The following JMY variants were observed in gnomAD, a reference collection of about 807,000 sequenced individuals.
The protein encoded by JMY is junction mediating and regulatory protein, p53 cofactor.
JMY carries 46 observed loss-of-function variants against 103.3 expected under a neutral mutation model. The ratio of observed to expected loss-of-function variants is 0.45; its 90% CI spans 0.35 to 0.57. The LOEUF (loss-of-function observed/expected upper bound fraction) is 0.57, where lower values mean the gene tolerates loss of function less well. Among genes scored for constraint, JMY ranks in the 20% least tolerant of loss-of-function variants. JMY has a pLI of 0.00. For synonymous variants in JMY, 526 were observed against 489.3 expected (o/e 1.07, Z -0.99); for missense variants, 1,238 against 1,255.2 (o/e 0.99, Z 0.21).
intron 10 of JMY, among the ~76,000 whole-genome samples, chr5:79,319,922 CT>C (rs1265053482): frequency 6.6e-6 from 1 of 152,130 alleles, no homozygotes; most frequent in East Asian, 1.9e-4. Context: ...TACTTATATA[CT>C]TTTAAGAGCT....
chr5:79,237,390 C>T lies in JMY; in HGVS notation c.740C>T (p.Ser247Leu). The change falls in exon 1 of 11, where the codon TCG becomes TTG. Residue 247 changes from serine to leucine, a missense_variant. Ser to Leu is a moderately radical substitution (Grantham distance 145, BLOSUM62 -2). Transcript: ENST00000396137. ...DLRAVHQQLC[S>L]VNSQLEPCLP... is the part of the protein sequence containing the mutation. Reference sequence around the variant, plus strand: ...CGCGCCGTGCACCAGCAGCTGTGCTCGGTGAACTCGCAGTTGGAGCCGTGC... The same window carrying T: ...CGCGCCGTGCACCAGCAGCTGTGCTTGGTGAACTCGCAGTTGGAGCCGTGC... 1.2e-6 allele frequency: 2 copies of T among 1,613,424 alleles called. No individual in the cohort carries two copies. Among genetic ancestry groups the T allele is most frequent in the Non-Finnish European group, 1.7e-6 (2 of 1,179,962 alleles).
Position 79,237,097 on chromosome 5 carries a change from C to T in JMY, c.447C>T (p.Ile149=), listed in dbSNP as rs779358758. ...GGAGCCCAGTGCGGGCCAAACCCATCCCGGGTCAGAAAACATCTGAAGCCG... is the reference window on the plus strand; with the variant it reads ...GGAGCCCAGTGCGGGCCAAACCCATTCCGGGTCAGAAAACATCTGAAGCCG... ...RLRSPVRAKP[I]PGQKTSEADD... Residue 149 remains isoleucine, a synonymous_variant, in exon 1 of 11, where the codon ATC becomes ATT. Coordinates refer to ENST00000396137, the MANE Select transcript of JMY (RefSeq NM_152405.5). 1 of 1,548,074 alleles carries T rather than the reference C, an allele frequency of 6.5e-7. No individual in the cohort carries two copies. Among genetic ancestry groups the T allele is most frequent in the Admixed American group, 2.0e-5 (1 of 50,908 alleles).
chr5:79,264,535 G>T (rs554648953), intron 1 of JMY, among the ~76,000 whole-genome samples: 37 of 152,012 alleles, frequency 2.4e-4, no homozygotes, highest in Non-Finnish European at 2.8e-4. Context: ...GAGCCACTGC[G>T]CCTGGCATAA....
intron 4 of JMY, among the ~76,000 whole-genome samples, chr5:79,298,566 C>G (rs1388449273): frequency 6.6e-6 from 1 of 152,168 alleles, no homozygotes; most frequent in Admixed American, 6.5e-5. Context: ...ATAATTAAAC[C>G]CACTTTGGGG....
At chr5:79,310,057 C>CTTTTTTTTTTTTTTTTTTTTTTT in intron 7 of JMY, among the ~76,000 whole-genome samples, 1 of 73,666 alleles carries the variant, frequency 1.4e-5, no homozygotes, top group Non-Finnish European at 2.3e-5. Context: ...CTTTCTTTTC[C>CTTTTTTTTTTTTTTTTTTTTTTT]TTTTTTTTTT....
chr5:79,314,305 C>T lies in JMY; in HGVS notation c.2113C>T (p.His705Tyr). 1.2e-6 allele frequency: 2 copies of T among 1,614,098 alleles called. No individual in the cohort carries two copies. Among genetic ancestry groups the T allele is most frequent in the Non-Finnish European group, 1.7e-6 (2 of 1,179,994 alleles). ...ILKSTRLRLAHARRKGAASPV... is the reference protein window; with the variant it reads ...ILKSTRLRLAYARRKGAASPV... ...TAAATCAACCAGATTACGACTAGCT[C>T]ATGCAAGAAGAAAAGGTGCAGCAAG... The change falls in exon 9 of 11, where the codon CAT becomes TAT. Residue 705 changes from histidine to tyrosine, a missense_variant. By Grantham distance (83) the His-to-Tyr change is moderately conservative. Transcript: ENST00000396137.
At chr5:79,287,019 G>T (rs533345530) in intron 2 of JMY, among the ~76,000 whole-genome samples, 2 of 152,244 alleles carry the variant, frequency 1.3e-5, no homozygotes, top group Admixed American at 1.3e-4. Flanking sequence ...CCGTGGAGCT[G>T]ACCTGAAAAA....
chr5:79,287,090 A>T (rs1345936464), intron 2 of JMY, among the ~76,000 whole-genome samples: 2 of 152,012 alleles, frequency 1.3e-5, no homozygotes, highest in Non-Finnish European at 2.9e-5. Context: ...TTCAGTACTG[A>T]GGGGTTGGTT....
rs1452183828 is a variant in JMY, at chr5:79,236,752, C to T, written c.102C>T (p.Ala34=). 3.3e-6 allele frequency: 5 copies of T among 1,510,940 alleles called. No homozygotes were observed. Among genetic ancestry groups the T allele is most frequent in the South Asian group, 2.5e-5 (2 of 79,666 alleles). The allele number at this position is 1,510,940 out of a possible 1,614,324, so 93.6% of individuals were successfully genotyped here. A position where few individuals can be genotyped will look rare whatever the true frequency, so the allele number is the denominator to read the frequency against. The change falls in exon 1 of 11, where the codon GCC becomes GCT. Residue 34 remains alanine, a synonymous_variant. Transcript: ENST00000396137. ...REKHKFVFIV[A]WNEIEGKFAI... is the part of the protein sequence containing the mutation. ...AACACAAATTCGTCTTTATTGTGGCCTGGAACGAGATTGAGGGCAAGTTTG... is the reference window on the plus strand; with the variant it reads ...AACACAAATTCGTCTTTATTGTGGCTTGGAACGAGATTGAGGGCAAGTTTG...
chr5:79,258,361 G>A lies in JMY; in HGVS notation c.1033-19549G>A, dbSNP rs527387544. Among the ~76,000 whole-genome samples the A allele has an allele frequency of 1.5e-4, 22 of 143,074 alleles. No homozygotes were observed. In the South Asian group the frequency reaches 2.4e-3, roughly 16 times the overall value. 93.9% of individuals were successfully genotyped at this position (143,074 alleles called of 152,430 possible). On this transcript the variant is annotated intron_variant, in intron 1 of 10. Coordinates refer to ENST00000396137, the MANE Select transcript of JMY (RefSeq NM_152405.5). Reference sequence around the variant, plus strand: ...GGTCTCCCTCTGGCTGGAGTACAGTGGTGTTACGGGATCCTTGGGGTGTCG... The same window carrying A: ...GGTCTCCCTCTGGCTGGAGTACAGTAGTGTTACGGGATCCTTGGGGTGTCG...
At chr5:79,315,088 G>A (rs763148380) in intron 9 of JMY, among the ~76,000 whole-genome samples, 8 of 152,144 alleles carry the variant, frequency 5.3e-5, no homozygotes, top group Non-Finnish European at 1.0e-4. Context: ...ATACATTCAT[G>A]TTTGGTAATG....
chr5:79,270,478 C>T (rs1210746299), intron 1 of JMY, among the ~76,000 whole-genome samples: 4 of 91,038 alleles, frequency 4.4e-5, no homozygotes, highest in Non-Finnish European at 6.5e-5. Context: ...TGTATATTTA[C>T]ATAAATATTT....
intron 2 of JMY, among the ~76,000 whole-genome samples, chr5:79,285,159 C>G (rs1295012385): frequency 6.6e-6 from 1 of 152,108 alleles, no homozygotes; most frequent in East Asian, 1.9e-4. Context: ...TCTGTTGTAG[C>G]CAGTCACCTC....
intron 6 of JMY, among the ~76,000 whole-genome samples, chr5:79,305,109 C>CAGTTTACTG (rs1462634748): frequency 6.6e-6 from 1 of 152,136 alleles, no homozygotes; most frequent in Non-Finnish European, 1.5e-5. Context: ...TTTAAAATAA[C>CAGTTTACTG]AGTTTACTGA....
chr5:79,246,270 A>G (rs563949517), intron 1 of JMY, among the ~76,000 whole-genome samples: 1 of 152,262 alleles, frequency 6.6e-6, no homozygotes, highest in South Asian at 2.1e-4. Flanking sequence ...TTGCCGTCCT[A>G]TCTAGATGAG....
rs946122685 is a variant in JMY at position 79,256,367 on chromosome 5, C to T, written c.1032+18685C>T. Reference sequence around the variant, plus strand: ...ATAGTCCAGGGCAGGTTCAGAAATGCCATCCAAGAGTCAAGTCCTGGAATC... The same window carrying T: ...ATAGTCCAGGGCAGGTTCAGAAATGTCATCCAAGAGTCAAGTCCTGGAATC... On this transcript the variant is annotated intron_variant, in intron 1 of 10. Coordinates refer to ENST00000396137, the MANE Select transcript of JMY (RefSeq NM_152405.5). Among the ~76,000 whole-genome samples, 3 of 152,038 alleles carry T rather than the reference C, an allele frequency of 2.0e-5. No individual in the cohort carries two copies. In the South Asian group the frequency reaches 6.2e-4, roughly 32 times the overall value.
intron 6 of JMY, among the ~76,000 whole-genome samples, chr5:79,303,688 C>T (rs141223358): frequency 7.2e-5 from 11 of 152,154 alleles, no homozygotes; most frequent in Non-Finnish European, 1.5e-4. Context: ...CAGGAGAGCT[C>T]GAAGTCATAG....
chr5:79,260,463 C>T (rs1164371637), intron 1 of JMY, among the ~76,000 whole-genome samples: 3 of 152,242 alleles, frequency 2.0e-5, no homozygotes, highest in Non-Finnish European at 4.4e-5. Context: ...TCACTGCAGC[C>T]TCAACCTCCT....
chr5:79,267,868 TAA>T (rs1308646576), intron 1 of JMY, among the ~76,000 whole-genome samples: 2 of 152,254 alleles, frequency 1.3e-5, no homozygotes, highest in Admixed American at 1.3e-4. Context: ...TTTGTGTAGA[TAA>T]AAGTTTCCAA....
Sources: allele counts gnomAD v4.1 joint callset (sites outside exome capture counted in the v4.1 genomes callset), GRCh38; gene constraint gnomAD v4.1.1; transcripts MANE v1.5; gene names NCBI Gene and HGNC (gene_info 2026-07-23, HGNC 2026-07-21).